Variants in EIPR1 observed in about 807,000 individuals in gnomAD.
EIPR1 encodes EARP and GARP complex-interacting protein 1.
Under a neutral mutation model 48.1 loss-of-function variants are expected in EIPR1, and 25 were observed. That is an observed-to-expected ratio of 0.52 (90% confidence interval 0.38 to 0.73). The LOEUF is 0.73. Among genes scored for constraint, EIPR1 ranks in the 30% least tolerant of loss-of-function variants. The pLI is 0.00. For synonymous variants in EIPR1, 204 were observed against 201.9 expected, an observed-to-expected ratio of 1.01 and a Z score of -0.09; for missense variants, 415 against 506.2, an observed-to-expected ratio of 0.82 and a Z score of 1.73.
chr2:3,209,219 C>T (rs1424217420), intron 5 of EIPR1, among the ~76,000 whole-genome samples: 1 of 152,212 alleles, frequency 6.6e-6, no homozygotes, highest in Non-Finnish European at 1.5e-5. Context: ...CTGGGGTCTC[C>T]TTCTGCCTCA....
chr2:3,270,550 G>A (rs1372817000), intron 3 of EIPR1, among the ~76,000 whole-genome samples: 3 of 152,210 alleles, frequency 2.0e-5, no homozygotes, highest in Non-Finnish European at 2.9e-5. Context: ...TGCAAAAAGA[G>A]AGTCATATTA....
At chr2:3,246,809 G>C (rs1225998787) in intron 4 of EIPR1, among the ~76,000 whole-genome samples, 2 of 59,540 alleles carry the variant, frequency 3.4e-5, no homozygotes, top group Non-Finnish European at 6.3e-5. Flanking sequence ...GGGAGGCAGG[G>C]AGGGAGGGAG....
chr2:3,283,288 C>T (rs904414675), intron 3 of EIPR1, among the ~76,000 whole-genome samples: 3 of 152,208 alleles, frequency 2.0e-5, no homozygotes, highest in African/African-American at 7.2e-5. Flanking sequence ...CCTCCCCACA[C>T]CAGCAGCATG....
chr2:3,369,990 C>G (rs553927799), intron 1 of EIPR1, among the ~76,000 whole-genome samples: 1 of 150,692 alleles, frequency 6.6e-6, no homozygotes. Flanking sequence ...GCACCCCCCC[C>G]GTAGGGGCAG....
chr2:3,231,802 A>G (rs1666251861), intron 4 of EIPR1, among the ~76,000 whole-genome samples: 1 of 152,214 alleles, frequency 6.6e-6, no homozygotes, highest in Non-Finnish European at 1.5e-5. Flanking sequence ...TTTCTCTTCT[A>G]GTAGTGTCTT....
intron 3 of EIPR1, among the ~76,000 whole-genome samples, chr2:3,258,008 C>T (rs1329507157): frequency 6.6e-6 from 1 of 152,216 alleles, no homozygotes; most frequent in Non-Finnish European, 1.5e-5. Flanking sequence ...CATGCTGAGG[C>T]CTGGAGCCCT....
At chr2:3,309,100 C>T (rs541924671) in intron 3 of EIPR1, among the ~76,000 whole-genome samples, 17 of 152,188 alleles carry the variant, frequency 1.1e-4, no homozygotes, top group Middle Eastern at 3.2e-3. Flanking sequence ...TCTTTCTCCT[C>T]GTGAGCTTCT....
At chr2:3,283,944 T>TAAAAAA (rs59593196) in intron 3 of EIPR1, among the ~76,000 whole-genome samples, 1 of 92,882 alleles carries the variant, frequency 1.1e-5, no homozygotes, top group African/African-American at 4.5e-5. Context: ...AGACTACATC[T>TAAAAAA]AAAAAAAAAA....
chr2:3,244,840 G>C (rs772421713), intron 4 of EIPR1, among the ~76,000 whole-genome samples: 1 of 152,122 alleles, frequency 6.6e-6, no homozygotes, highest in Non-Finnish European at 1.5e-5. Flanking sequence ...TGGACACACC[G>C]ATCTGCCTCT....
chr2:3,344,525 C>A (rs2103360788), intron 2 of EIPR1, among the ~76,000 whole-genome samples: 1 of 152,226 alleles, frequency 6.6e-6, no homozygotes, highest in Non-Finnish European at 1.5e-5. Context: ...AAGTCACTAA[C>A]CCTTTCTGGG....
intron 4 of EIPR1, among the ~76,000 whole-genome samples, chr2:3,225,357 C>T (rs1386048919): frequency 2.0e-5 from 3 of 151,768 alleles, no homozygotes; most frequent in South Asian, 2.1e-4. Context: ...GCAGTCCTCC[C>T]ACCTCAGCCT....
At chr2:3,292,498 G>A (rs1668400908) in intron 3 of EIPR1, among the ~76,000 whole-genome samples, 1 of 152,120 alleles carries the variant, frequency 6.6e-6, no homozygotes, top group Non-Finnish European at 1.5e-5. Context: ...CCGGCTCTGC[G>A]CACCTCACAA....
intron 5 of EIPR1, chr2:3,209,007 G>C: frequency 1.4e-6 from 2 of 1,455,080 alleles, no homozygotes; most frequent in Non-Finnish European, 9.1e-7. Context: ...GCCAGAAGCG[G>C]GAACAATAGT....
intron 3 of EIPR1, among the ~76,000 whole-genome samples, chr2:3,281,995 A>G (rs1232510975): frequency 1.3e-5 from 2 of 152,236 alleles, no homozygotes; most frequent in African/African-American, 2.4e-5. Flanking sequence ...AAATGCCAGG[A>G]TGCTTTAAAA....
intron 1 of EIPR1, among the ~76,000 whole-genome samples, chr2:3,366,106 G>A (rs1166878906): frequency 6.6e-6 from 1 of 152,132 alleles, no homozygotes; most frequent in Non-Finnish European, 1.5e-5. Context: ...TCAGGAGTTC[G>A]AGACCAGCCT....
intron 2 of EIPR1, among the ~76,000 whole-genome samples, chr2:3,340,076 G>A (rs1670188947): frequency 1.3e-5 from 2 of 152,268 alleles, no homozygotes; most frequent in South Asian, 2.1e-4. Context: ...TCCAGAAGCA[G>A]ATGCTGCTAT....
Position 3,189,037 on chromosome 2 carries a change from A to T in EIPR1, c.*297T>A. The T allele has an allele frequency of 3.7e-6, 1 of 273,786 alleles. No individual in the cohort carries two copies. The highest frequency in any genetic ancestry group is 6.8e-6 in the Non-Finnish European group (1 of 147,086). 17.0% of individuals were successfully genotyped at this position (273,786 alleles called of 1,614,324 possible). ...AAAGAAGAGTTACTATTGCAGGAACAGACATTTTTTTAAAAAGCGAAACTC... is the reference window on the plus strand; with the variant it reads ...AAAGAAGAGTTACTATTGCAGGAACTGACATTTTTTTAAAAAGCGAAACTC... On this transcript the variant is annotated 3_prime_UTR_variant, in exon 9 of 9. Transcript: ENST00000382125. The surrounding 1 kb of genome is among the most constrained non-coding windows in gnomAD (Gnocchi z 4.6).
chr2:3,363,560 G>A (rs1016496093), intron 1 of EIPR1, among the ~76,000 whole-genome samples: 9 of 152,148 alleles, frequency 5.9e-5, no homozygotes, highest in Non-Finnish European at 1.2e-4. Flanking sequence ...GCCAAGTGTG[G>A]AGGTGTGCGC....
At chr2:3,206,083 G>A (rs1665225119) in intron 5 of EIPR1, among the ~76,000 whole-genome samples, 1 of 152,154 alleles carries the variant, frequency 6.6e-6, no homozygotes, top group South Asian at 2.1e-4. Context: ...AGTCCCTGAG[G>A]CCCAGTGCCA....
Sources: gnomAD v4.1 joint callset for allele counts (sites outside exome capture counted in the v4.1 genomes callset) on GRCh38, gnomAD v4.1.1 for gene constraint, Gnocchi (gnomAD v3.1) non-coding constraint, MANE v1.5 for transcripts, NCBI Gene and HGNC (gene_info 2026-07-23, HGNC 2026-07-21) for gene names.